The following SLC43A2 variants were observed in gnomAD, a reference collection of about 807,000 sequenced individuals.
SLC43A2 encodes the protein solute carrier family 43 member 2.
In SLC43A2, 38 loss-of-function variants were observed where a neutral mutation model predicts 63.2. The observed-to-expected ratio is 0.60, with a 90% CI of 0.46 to 0.79. The LOEUF (loss-of-function observed/expected upper bound fraction) is 0.79. SLC43A2 is among the 30% of genes least tolerant of loss of function. The pLI is 0.00. For synonymous variants in SLC43A2, 322 were observed against 331.0 expected (o/e 0.97, Z 0.30); for missense variants, 644 against 756.2 (o/e 0.85, Z 1.74).
intron 5 of SLC43A2, among the ~76,000 whole-genome samples, chr17:1,596,523 A>C (rs986331851): frequency 6.6e-6 from 1 of 152,178 alleles, no homozygotes; most frequent in African/African-American, 2.4e-5. Flanking sequence ...ACAGTTATTC[A>C]AAAAACAAAA....
chr17:1,586,928 T>TGGCCCCCCCCCCCCCCCCCCCCCCC, intron 9 of SLC43A2: 2 of 1,232,876 alleles, frequency 1.6e-6, no homozygotes, highest in Non-Finnish European at 2.2e-6. Flanking sequence ...TCCCTGACAA[T>TGGCCCCCCCCCCCCCCCCCCCCCCC]CCCCCCCACC....
At position 1,577,898 on chromosome 17, in the gene SLC43A2, C is replaced by T. The variant is rs913366149; in HGVS notation, c.1424+352G>A. Among the ~76,000 whole-genome samples, 2 of 152,212 alleles carry T rather than the reference C, an allele frequency of 1.3e-5. No homozygotes were observed. The highest frequency in any genetic ancestry group is 4.8e-5 in the African/African-American group (2 of 41,450). ...GCATTTAGCTTCAGGCAGCCAGAAC[C>T]TACCCATCCTTCCCAGTGAGCAGCC... On this transcript the variant is annotated intron_variant, in intron 12 of 13. Coordinates refer to ENST00000301335, the MANE Select transcript of SLC43A2 (RefSeq NM_152346.3). This position sits in a 1 kb window ranked among gnomAD's most constrained non-coding sequence, Gnocchi z 4.9.
chr17:1,617,706 T>C (rs1907808859), intron 2 of SLC43A2, among the ~76,000 whole-genome samples: 1 of 152,140 alleles, frequency 6.6e-6, no homozygotes, highest in African/African-American at 2.4e-5. Context: ...GCACCTTTCT[T>C]ATTTTCCTTG....
At chr17:1,591,238 C>T (rs1904741792) in intron 8 of SLC43A2, 31 bp downstream of exon 8, 3 of 1,597,096 alleles carry the variant, frequency 1.9e-6, no homozygotes, top group Admixed American at 3.3e-5. Context: ...CACTCCCTGC[C>T]CGTCGCCCGG....
At position 1,577,367 on chromosome 17, in the gene SLC43A2, T is replaced by G. The variant is rs1160426216; in HGVS notation, c.1425-647A>C. On this transcript the variant is annotated intron_variant, in intron 12 of 13. Transcript: ENST00000301335. This position sits in a 1 kb window ranked among gnomAD's most constrained non-coding sequence, Gnocchi z 4.9. Reference sequence around the variant, plus strand: ...GGCTGGGCTTGGCTCTGCAGTGCCCTCGTCCAGAGAAGCATTGAGTAATCG... The same window carrying G: ...GGCTGGGCTTGGCTCTGCAGTGCCCGCGTCCAGAGAAGCATTGAGTAATCG... Among the ~76,000 whole-genome samples the G allele has an allele frequency of 6.6e-6, 1 of 152,146 alleles. No homozygotes were observed. The highest frequency in any genetic ancestry group is 1.5e-5 in the Non-Finnish European group (1 of 68,012).
At chr17:1,586,233 C>T (rs534317813) in intron 9 of SLC43A2, among the ~76,000 whole-genome samples, 182 bp from the exon 10 acceptor site, 4 of 152,190 alleles carry the variant, frequency 2.6e-5, no homozygotes, top group South Asian at 2.1e-4. Flanking sequence ...GGATGGAGCA[C>T]GGGGCAGGTC....
chr17:1,591,475 G>A lies in SLC43A2; in HGVS notation c.729-4C>T. ...CCAGCTGAACTTGATCTTCACCCTG[G>A]GGCCCCGGGAGAGTGTCTGTGGGTG... On this transcript the variant is annotated splice_polypyrimidine_tract_variant and splice_region_variant and intron_variant, in intron 7 of 13. Coordinates refer to ENST00000301335, the MANE Select transcript of SLC43A2 (RefSeq NM_152346.3). 1 of 1,612,904 alleles carries A rather than the reference G, an allele frequency of 6.2e-7. No homozygotes were observed. The highest frequency in any genetic ancestry group is 8.5e-7 in the Non-Finnish European group (1 of 1,179,894).
At chr17:1,614,183 C>T (rs1350739480) in intron 4 of SLC43A2, among the ~76,000 whole-genome samples, 1 of 152,036 alleles carries the variant, frequency 6.6e-6, no homozygotes, top group Non-Finnish European at 1.5e-5. Flanking sequence ...GTGGAGGTTG[C>T]AGTGAGCTGA....
chr17:1,600,794 G>A (rs915561471), intron 5 of SLC43A2, among the ~76,000 whole-genome samples: 36 of 151,760 alleles, frequency 2.4e-4, no homozygotes, highest in African/African-American at 7.5e-4. Flanking sequence ...CTGACCTCAA[G>A]CGATCTGCCC....
At position 1,624,206 on chromosome 17, in the gene SLC43A2, G is replaced by A. The variant is rs181950525; in HGVS notation, c.160+3509C>T. 2.8e-4 allele frequency among the ~76,000 whole-genome samples: 42 copies of A among 152,378 alleles called. 1 individual carries two copies. The East Asian group carries it at 8.1e-3, about 29-fold the overall frequency. On this transcript the variant is annotated intron_variant, in intron 2 of 13. Coordinates refer to ENST00000301335, the MANE Select transcript of SLC43A2 (RefSeq NM_152346.3). ...AATCCCAGCAATGTGGGAGCCCGAG[G>A]TGGGTGGATCGACTGAGCCCAGGAG... is the stretch of plus-strand genomic sequence containing the variant.
rs919849253 is a variant in SLC43A2 at position 1,605,917 on chromosome 17, C to T, written c.501+7278G>A. Among the ~76,000 whole-genome samples the T allele has an allele frequency of 6.6e-6, 1 of 152,328 alleles. No homozygotes were observed. The highest frequency in any genetic ancestry group is 1.9e-4 in the East Asian group (1 of 5,182). ...ACCTCCTGTGCCTTCCCGGCCGGGT[C>T]CAGTCCTGCCAATACCGCTGCCCTT... On this transcript the variant is annotated intron_variant, in intron 5 of 13. Transcript: ENST00000301335. The surrounding 1 kb of genome is among the most constrained non-coding windows in gnomAD (Gnocchi z 4.9).
intron 2 of SLC43A2, among the ~76,000 whole-genome samples, chr17:1,620,667 G>A (rs1908075707): frequency 6.6e-6 from 1 of 151,970 alleles, no homozygotes; most frequent in Non-Finnish European, 1.5e-5. Flanking sequence ...TTCTCCTTCT[G>A]CTTGTGGAGC....
At chr17:1,607,106 G>C (rs527269688) in intron 5 of SLC43A2, among the ~76,000 whole-genome samples, 77 of 136,604 alleles carry the variant, frequency 5.6e-4, no homozygotes, top group Middle Eastern at 3.6e-3. Flanking sequence ...CCGGGACCCA[G>C]GAAGTCCCCG....
chr17:1,585,899 C>T lies in SLC43A2; in HGVS notation c.1217+14G>A. ...TGCGGGCTGGGAGCCGGGGCACCGG[C>T]CCTGCCTACGCACTGGTTGGCGTCT... On this transcript the variant is annotated intron_variant, in intron 10 of 13. Coordinates refer to ENST00000301335, the MANE Select transcript of SLC43A2 (RefSeq NM_152346.3). 6.2e-7 allele frequency: 1 copy of T among 1,613,622 alleles called. No individual in the cohort carries two copies. The highest frequency in any genetic ancestry group is 8.5e-7 in the Non-Finnish European group (1 of 1,180,004).
At chr17:1,580,883 G>A (rs183772739) in intron 11 of SLC43A2, among the ~76,000 whole-genome samples, 1 of 152,200 alleles carries the variant, frequency 6.6e-6, no homozygotes, top group African/African-American at 2.4e-5. Context: ...GACTACAGGT[G>A]CACTCCACAA....
At chr17:1,604,674 C>T in intron 5 of SLC43A2, 1 of 1,505,870 alleles carries the variant, frequency 6.6e-7, no homozygotes, top group Non-Finnish European at 8.9e-7. Context: ...ATGCCCAGTC[C>T]CCAACTAGAG....
In SLC43A2 at chr17:1,583,621, G is replaced by C. The variant is rs927121655; in HGVS notation, c.1218-285C>G. ...GAAGGCTGAGCTAAGACGACGGGGA[G>C]AGAAGTAGCAGCGTGTGCCTGAGCT... On this transcript the variant is annotated intron_variant, in intron 10 of 13. Coordinates refer to ENST00000301335, the MANE Select transcript of SLC43A2 (RefSeq NM_152346.3). The surrounding 1 kb of genome is among the most constrained non-coding windows in gnomAD (Gnocchi z 5.5). The C allele has an allele frequency of 1.0e-4, 37 of 363,512 alleles. 1 individual carries two copies. In the South Asian group the frequency reaches 1.7e-3, roughly 17 times the overall value. 22.5% of individuals were successfully genotyped at this position (363,512 alleles called of 1,614,324 possible). A position where few individuals can be genotyped will look rare whatever the true frequency, so the allele number is the denominator to read the frequency against.
intron 9 of SLC43A2, chr17:1,586,928 T>TGGGCCCCCCCCCCCCC: frequency 9.7e-6 from 12 of 1,232,842 alleles, no homozygotes; most frequent in East Asian, 2.8e-5. Context: ...TCCCTGACAA[T>TGGGCCCCCCCCCCCCC]CCCCCCCACC....
At chr17:1,624,304 G>A (rs879429412) in intron 2 of SLC43A2, among the ~76,000 whole-genome samples, 1 of 152,128 alleles carries the variant, frequency 6.6e-6, no homozygotes, top group Non-Finnish European at 1.5e-5. Flanking sequence ...TGGGTATGGT[G>A]GCTTACACCT....
Sources: allele counts gnomAD v4.1 joint callset (sites outside exome capture counted in the v4.1 genomes callset), GRCh38; gene constraint gnomAD v4.1.1; non-coding constraint Gnocchi (gnomAD v3.1); transcripts MANE v1.5; gene names NCBI Gene and HGNC (gene_info 2026-07-23, HGNC 2026-07-21).